NCALD: variants seen among roughly 807,000 people sequenced by gnomAD.
The protein encoded by NCALD is neurocalcin delta.
Under a neutral mutation model 18.6 loss-of-function variants are expected in NCALD, and 10 were observed. The observed-to-expected ratio is 0.54, with a 90% CI of 0.33 to 0.91. The LOEUF (loss-of-function observed/expected upper bound fraction) is 0.91. Ranked by LOEUF, NCALD falls within the 40% of genes least tolerant of loss-of-function variation. The pLI is 0.03. For synonymous variants in NCALD, 88 were observed against 87.4 expected (o/e 1.01, Z -0.04); for missense variants, 184 against 247.6 (o/e 0.74, Z 1.72).
At chr8:101,728,937 G>A (rs1816693899) in intron 1 of NCALD, among the ~76,000 whole-genome samples, 2 of 152,258 alleles carry the variant, frequency 1.3e-5, no homozygotes, top group Non-Finnish European at 2.9e-5. Context: ...GGAATGTCTA[G>A]ATTGTGGAGA....
intron 4 of NCALD, among the ~76,000 whole-genome samples, chr8:101,824,033 T>C (rs1355862132): frequency 2.6e-5 from 4 of 152,196 alleles, no homozygotes; most frequent in Non-Finnish European, 5.9e-5. Flanking sequence ...GAACAAAATG[T>C]CATTTACTTG....
chr8:101,797,340 TAA>T (rs1812675318), intron 4 of NCALD, among the ~76,000 whole-genome samples: 1 of 152,068 alleles, frequency 6.6e-6, no homozygotes, highest in African/African-American at 2.4e-5. Context: ...TGCTAAAAAC[TAA>T]AGACAATGCC....
intron 1 of NCALD, among the ~76,000 whole-genome samples, chr8:101,752,243 T>C (rs1221013068): frequency 6.6e-6 from 1 of 152,162 alleles, no homozygotes; most frequent in Non-Finnish European, 1.5e-5. Context: ...ATAACTTACA[T>C]CTGCTTCTTT....
rs190964394 is a variant in NCALD at position 102,080,766 on chromosome 8, G to A, written c.-210+43471C>T. Among the ~76,000 whole-genome samples the A allele has an allele frequency of 3.6e-3, 549 of 152,340 alleles. 6 individuals carry two copies. The highest frequency in any genetic ancestry group is 8.8e-3 in the Admixed American group (135 of 15,304). On this transcript the variant is annotated intron_variant, in intron 1 of 6. Coordinates refer to the NCALD transcript ENST00000311028. ...TGCAAGGAGACAGAAGGGCTGGCGT[G>A]TGTCATACCTAATCAATGGTTCTTG...
At chr8:102,038,771 C>A (rs1466556302) in intron 1 of NCALD, among the ~76,000 whole-genome samples, 1 of 152,134 alleles carries the variant, frequency 6.6e-6, no homozygotes, top group Non-Finnish European at 1.5e-5. Flanking sequence ...CATCATATAT[C>A]ATCACTTCCC....
At chr8:101,812,683 T>A (rs998610915) in intron 4 of NCALD, among the ~76,000 whole-genome samples, 1 of 152,158 alleles carries the variant, frequency 6.6e-6, no homozygotes, top group African/African-American at 2.4e-5. Context: ...CCACTTGGGA[T>A]TGAGTAACAA....
chr8:102,026,841 A>G (rs1265281967), intron 1 of NCALD, among the ~76,000 whole-genome samples: 1 of 152,134 alleles, frequency 6.6e-6, no homozygotes, highest in Non-Finnish European at 1.5e-5. Flanking sequence ...AGGCATTTCC[A>G]TACATCCTCT....
chr8:102,065,841 T>C (rs922018992), intron 1 of NCALD, among the ~76,000 whole-genome samples: 1 of 152,118 alleles, frequency 6.6e-6, no homozygotes, highest in Admixed American at 6.5e-5. Flanking sequence ...AATAAATAAA[T>C]AAAATTCTTG....
intron 1 of NCALD, among the ~76,000 whole-genome samples, chr8:101,752,206 A>C (rs778150669): frequency 7.9e-5 from 12 of 152,202 alleles, no homozygotes; most frequent in African/African-American, 1.2e-4. Flanking sequence ...ACTTCCAGCT[A>C]TAATTCAGTG....
intron 1 of NCALD, among the ~76,000 whole-genome samples, chr8:102,028,767 AAC>A (rs1458782870): frequency 6.6e-6 from 1 of 152,214 alleles, no homozygotes; most frequent in East Asian, 1.9e-4. Context: ...ATGCAGCCCC[AAC>A]CTTCTGGTCA....
At chr8:101,858,762 C>T (rs1586644887) in intron 4 of NCALD, among the ~76,000 whole-genome samples, 2 of 152,068 alleles carry the variant, frequency 1.3e-5, no homozygotes, top group South Asian at 4.1e-4. Flanking sequence ...CGGAGAATCC[C>T]AAGGAGCTCC....
Position 101,734,091 on chromosome 8 carries a change from A to C in NCALD, c.-19-14443T>G, listed in dbSNP as rs138379066. 3.7e-3 allele frequency among the ~76,000 whole-genome samples: 570 copies of C among 152,254 alleles called. 6 individuals are homozygous for C. In the East Asian group the frequency reaches 0.055, roughly 15 times the overall value. On this transcript the variant is annotated intron_variant, in intron 1 of 3. Coordinates refer to ENST00000220931, the MANE Select transcript of NCALD (RefSeq NM_032041.3). ...AGCCCCAGGGCTCTCTTATGTTAGC[A>C]GTGCCCCAGGAGCAGGGAGGAGTTG... is the stretch of plus-strand genomic sequence containing the variant.
intron 1 of NCALD, among the ~76,000 whole-genome samples, chr8:101,720,423 T>C (rs995144062): frequency 1.7e-4 from 26 of 152,192 alleles, no homozygotes; most frequent in Non-Finnish European, 1.0e-4. Flanking sequence ...AAAAGAGTGA[T>C]ACATAGGGAA....
intron 4 of NCALD, among the ~76,000 whole-genome samples, chr8:101,810,649 T>G (rs936075429): frequency 1.3e-5 from 2 of 152,198 alleles, no homozygotes; most frequent in African/African-American, 4.8e-5. Context: ...TAAATTCATT[T>G]TTTTACAAGA....
chr8:101,827,964 T>C (rs749446874), intron 4 of NCALD, among the ~76,000 whole-genome samples: 3 of 152,198 alleles, frequency 2.0e-5, no homozygotes, highest in Non-Finnish European at 4.4e-5. Flanking sequence ...GGCTGAGGCA[T>C]TGTGGTAGGT....
At chr8:101,873,465 C>T (rs942147488) in intron 4 of NCALD, among the ~76,000 whole-genome samples, 1 of 152,166 alleles carries the variant, frequency 6.6e-6, no homozygotes. Context: ...TATTTATTTT[C>T]ATGTGCTTTA....
At chr8:101,795,796 G>A (rs1053659273), upstream of NCALD, among the ~76,000 whole-genome samples, 1 of 152,146 alleles carries the variant, frequency 6.6e-6, no homozygotes, top group African/African-American at 2.4e-5. Context: ...AAAAATTGGA[G>A]TACAAATATT....
chr8:102,106,468 C>T (rs28475395), intron 1 of NCALD, among the ~76,000 whole-genome samples: 21,696 of 123,248 alleles, frequency 0.18, 2,435 homozygotes, highest in African/African-American at 0.36. Context: ...TATATATATA[C>T]ACACACACAC....
intron 4 of NCALD, among the ~76,000 whole-genome samples, chr8:101,870,380 A>G (rs1439956890): frequency 6.6e-6 from 1 of 152,246 alleles, no homozygotes; most frequent in Non-Finnish European, 1.5e-5. Context: ...ATTTGGCTGT[A>G]CAGGTACTCA....
Sources: gnomAD v4.1 joint callset for allele counts (sites outside exome capture counted in the v4.1 genomes callset) on GRCh38, gnomAD v4.1.1 for gene constraint, MANE v1.5 for transcripts, NCBI Gene and HGNC (gene_info 2026-07-23, HGNC 2026-07-21) for gene names.